The following JAK2 variants were observed in gnomAD, a reference collection of about 807,000 sequenced individuals.
JAK2 encodes the protein Janus kinase 2, also known as tyrosine-protein kinase JAK2.
Under a neutral mutation model 139.3 loss-of-function variants are expected in JAK2, and 86 were observed. That is an observed-to-expected ratio of 0.62 (90% CI 0.52 to 0.74). The LOEUF is 0.74. JAK2 is among the 30% of genes least tolerant of loss of function. The pLI is 0.00. For synonymous variants in JAK2, 490 were observed against 437.7 expected (o/e 1.12, Z -1.49); for missense variants, 1,421 against 1,360.3 (o/e 1.04, Z -0.70).
Position 5,127,129 on chromosome 9 carries a change from A to C in JAK2, c.*338A>C, listed in dbSNP as rs370427680. 1 of 268,404 alleles carries C rather than the reference A, an allele frequency of 3.7e-6. No individual in the cohort carries two copies. Among genetic ancestry groups the C allele is most frequent in the African/African-American group, 2.2e-5 (1 of 45,588 alleles). The allele number at this position is 268,404 out of a possible 1,614,324, so 16.6% of individuals were successfully genotyped here. Reference sequence around the variant, plus strand: ...GAAAAAATTATTATGTAAATTTTGCAATGTTAAAGATGCACAGAATATGTA... The same window carrying C: ...GAAAAAATTATTATGTAAATTTTGCCATGTTAAAGATGCACAGAATATGTA... On this transcript the variant is annotated 3_prime_UTR_variant, in exon 25 of 25. Transcript: ENST00000381652.
chr9:4,992,045 C>T (rs1309272261), intron 2 of JAK2, among the ~76,000 whole-genome samples: 1 of 152,172 alleles, frequency 6.6e-6, no homozygotes, highest in Non-Finnish European at 1.5e-5. Flanking sequence ...ACAGGGCACA[C>T]CAGGGATGAC....
intron 6 of JAK2, among the ~76,000 whole-genome samples, chr9:5,052,323 A>G (rs749368299): frequency 1.3e-5 from 2 of 152,102 alleles, no homozygotes; most frequent in Non-Finnish European, 2.9e-5. Flanking sequence ...CCTAAACCTA[A>G]TGACTATTTA....
chr9:5,023,291 C>CA (rs1822556243), intron 3 of JAK2, among the ~76,000 whole-genome samples: 1 of 152,208 alleles, frequency 6.6e-6, no homozygotes, highest in Non-Finnish European at 1.5e-5. Flanking sequence ...TTTCACTCGA[C>CA]ATAATGACCT....
intron 22 of JAK2, among the ~76,000 whole-genome samples, chr9:5,120,100 G>C (rs1200994506): frequency 6.6e-6 from 1 of 152,212 alleles, no homozygotes; most frequent in Non-Finnish European, 1.5e-5. Context: ...GTGCTGGCAG[G>C]TTCAGGCGTC....
Position 5,089,878 on chromosome 9 carries a change from G to T in JAK2, c.2761+15G>T. ...CTACAGTGCTGGTAAGCTGCCCATT[G>T]AAACCTATTTTAAATTCAAGGTATG... On this transcript the variant is annotated intron_variant, in intron 20 of 24. Coordinates refer to ENST00000381652, the MANE Select transcript of JAK2 (RefSeq NM_004972.4). The T allele has an allele frequency of 6.9e-7, 1 of 1,439,164 alleles. No homozygotes were observed. Among genetic ancestry groups the T allele is most frequent in the South Asian group, 1.7e-5 (1 of 60,066 alleles). The allele number at this position is 1,439,164 out of a possible 1,614,324, so 89.1% of individuals were successfully genotyped here.
intron 13 of JAK2, among the ~76,000 whole-genome samples, 162 bp downstream of exon 13, chr9:5,072,788 G>T (rs920156443): frequency 4.0e-5 from 6 of 151,886 alleles, no homozygotes; most frequent in Non-Finnish European, 7.4e-5. Flanking sequence ...AGAATTACAG[G>T]GTTTGAAAAT....
intron 19 of JAK2, among the ~76,000 whole-genome samples, chr9:5,084,322 C>T (rs953245665): frequency 1.3e-5 from 2 of 151,980 alleles, no homozygotes; most frequent in Non-Finnish European, 2.9e-5. Flanking sequence ...TTGATGTGTT[C>T]AGTGGTTTGT....
chr9:5,030,009 C>T, intron 4 of JAK2, 103 bp downstream of exon 4: 1 of 922,914 alleles, frequency 1.1e-6, no homozygotes, highest in Non-Finnish European at 1.6e-6. Flanking sequence ...GATACCTGAA[C>T]CAATTAGTTA....
At chr9:5,076,038 G>T (rs1462924809) in intron 14 of JAK2, among the ~76,000 whole-genome samples, 1 of 151,886 alleles carries the variant, frequency 6.6e-6, no homozygotes, top group Non-Finnish European at 1.5e-5. Flanking sequence ...TGGAAACAGA[G>T]AACTAAGAAG....
At chr9:4,992,350 T>C (rs1158093166) in intron 2 of JAK2, among the ~76,000 whole-genome samples, 1 of 152,212 alleles carries the variant, frequency 6.6e-6, no homozygotes, top group Non-Finnish European at 1.5e-5. Context: ...CCTTGGTAGC[T>C]GCACAGTATA....
intron 3 of JAK2, among the ~76,000 whole-genome samples, chr9:5,024,792 G>T (rs981697554): frequency 6.6e-6 from 1 of 152,152 alleles, no homozygotes; most frequent in Admixed American, 6.5e-5. Context: ...GAACATAGGT[G>T]TGCTCTTTGC....
At chr9:5,084,291 A>T (rs1168837616) in intron 19 of JAK2, among the ~76,000 whole-genome samples, 2 of 152,076 alleles carry the variant, frequency 1.3e-5, no homozygotes, top group African/African-American at 4.8e-5. Context: ...TTTTACTTTC[A>T]TCTTTGTTTG....
Position 5,080,160 on chromosome 9 carries a change from C to G in JAK2, c.2132-69C>G. 3.4e-6 allele frequency: 4 copies of G among 1,184,270 alleles called. No homozygotes were observed. In the South Asian group the frequency reaches 6.6e-5, roughly 20 times the overall value. The allele number at this position is 1,184,270 out of a possible 1,614,324, so 73.4% of individuals were successfully genotyped here. A position where few individuals can be genotyped will look rare whatever the true frequency, so the allele number is the denominator to read the frequency against. On this transcript the variant is annotated intron_variant, in intron 16 of 24. Transcript: ENST00000381652. The stretch of plus-strand genomic sequence containing the variant: ...TATTCAAATGATTTGAACTTTAAAG[C>G]TATTTACATATAAAAGATTGGTTTA...
rs1818595618 is a variant in JAK2, at chr9:5,066,683, A to C, written c.1220A>C (p.Asp407Ala). The C allele has an allele frequency of 1.9e-6, 3 of 1,581,210 alleles. No homozygotes were observed. Among genetic ancestry groups the C allele is most frequent in the Admixed American group, 1.7e-5 (1 of 59,834 alleles). Residue 407 changes from aspartate (D) to alanine (A), a missense_variant, in exon 10 of 25, where the codon GAT (aspartate) becomes GCT (alanine). Transcript: ENST00000381652. ...TGCTTCTTCTTTACCTTTAGGATGGATTTTGCCATTAGTAAACTGAAGAAA... is the reference window on the plus strand; with the variant it reads ...TGCTTCTTCTTTACCTTTAGGATGGCTTTTGCCATTAGTAAACTGAAGAAA... ...QSNCHGPISM[D>A]FAISKLKKAG...
chr9:5,007,513 T>C (rs1488388588), intron 2 of JAK2, among the ~76,000 whole-genome samples: 1 of 152,010 alleles, frequency 6.6e-6, no homozygotes, highest in African/African-American at 2.4e-5. Flanking sequence ...AATGCATACG[T>C]GAGTTTTTTT....
chr9:5,117,746 CA>C (rs992410968), intron 22 of JAK2, among the ~76,000 whole-genome samples: 1 of 151,860 alleles, frequency 6.6e-6, no homozygotes, highest in Non-Finnish European at 1.5e-5. Context: ...CTCACAGAAA[CA>C]AAAGTTTTTT....
intron 4 of JAK2, among the ~76,000 whole-genome samples, chr9:5,039,696 G>T (rs996868013): frequency 4.6e-5 from 7 of 151,704 alleles, no homozygotes; most frequent in Non-Finnish European, 1.0e-4. Context: ...CAGAGACAAA[G>T]AACAATCCAA....
At chr9:5,111,875 C>G in intron 22 of JAK2, 1 of 375,216 alleles carries the variant, frequency 2.7e-6, no homozygotes, top group East Asian at 7.2e-5. Context: ...CGAGGGACCA[C>G]AGCCAGCAGC....
chr9:5,052,238 T>C (rs560931608), intron 6 of JAK2, among the ~76,000 whole-genome samples: 23 of 152,272 alleles, frequency 1.5e-4, no homozygotes, highest in African/African-American at 4.6e-4. Context: ...AATCTTTCTA[T>C]GTAGATTGTA....
Sources: allele counts gnomAD v4.1 joint callset (sites outside exome capture counted in the v4.1 genomes callset), GRCh38; gene constraint gnomAD v4.1.1; transcripts MANE v1.5; gene names NCBI Gene and HGNC (gene_info 2026-07-23, HGNC 2026-07-21).